PATJ: variants seen among roughly 807,000 people sequenced by gnomAD.
PATJ encodes PATJ crumbs cell polarity complex component.
In PATJ, 190 loss-of-function variants were observed where a neutral mutation model predicts 224.9. The ratio of observed to expected loss-of-function variants is 0.84; its 90% CI spans 0.75 to 0.95. PATJ has a LOEUF of 0.95. PATJ is among the 40% of genes least tolerant of loss of function. The pLI, the probability that PATJ is intolerant of heterozygous loss-of-function variation, is 0.00. For synonymous variants in PATJ, 769 were observed against 820.3 expected (o/e 0.94, Z 1.07); for missense variants, 2,121 against 2,270.3 (o/e 0.93, Z 1.34).
chr1:62,059,679 CATATAAA>C (rs531608584), intron 31 of PATJ, among the ~76,000 whole-genome samples: 18 of 151,260 alleles, frequency 1.2e-4, no homozygotes, highest in African/African-American at 4.4e-4. Flanking sequence ...AAATTATATA[CATATAAA>C]ATATAAAGAA....
chr1:62,037,934 G>A (rs752844923), intron 29 of PATJ, 43 bp from the exon 30 acceptor site: 6 of 1,287,416 alleles, frequency 4.7e-6, no homozygotes, highest in African/African-American at 1.5e-5. Context: ...CAGGAACTTA[G>A]CATTTACTGT....
chr1:62,092,219 A>T (rs1055739816), intron 33 of PATJ, among the ~76,000 whole-genome samples: 2 of 151,496 alleles, frequency 1.3e-5, no homozygotes, highest in African/African-American at 4.9e-5. Context: ...TCTCAAAAAA[A>T]ATTTTTTTTA....
intron 42 of PATJ, among the ~76,000 whole-genome samples, chr1:62,152,751 T>C (rs1407439794): frequency 6.6e-6 from 1 of 152,162 alleles, no homozygotes; most frequent in Non-Finnish European, 1.5e-5. Context: ...ACTGGCAGTC[T>C]CCCACCACAC....
chr1:61,781,925 C>T (rs1647431881), intron 7 of PATJ, among the ~76,000 whole-genome samples: 1 of 152,230 alleles, frequency 6.6e-6, no homozygotes, highest in African/African-American at 2.4e-5. Flanking sequence ...ACACTTAAGT[C>T]TTCCAGTGGT....
At chr1:62,107,866 A>G (rs912553390) in intron 33 of PATJ, among the ~76,000 whole-genome samples, 1 of 152,204 alleles carries the variant, frequency 6.6e-6, no homozygotes, top group African/African-American at 2.4e-5. Context: ...CTGAGTTCAG[A>G]GGAATTAATT....
At chr1:61,821,299 C>T (rs1346267894) in intron 14 of PATJ, among the ~76,000 whole-genome samples, 4 of 152,146 alleles carry the variant, frequency 2.6e-5, no homozygotes, top group Non-Finnish European at 5.9e-5. Context: ...CCCGCTCGGC[C>T]TCCCAAAGTG....
intron 29 of PATJ, among the ~76,000 whole-genome samples, chr1:62,021,274 T>G (rs1296146465): frequency 6.6e-6 from 1 of 152,176 alleles, no homozygotes; most frequent in Admixed American, 6.5e-5. Context: ...TTGGGCCTAC[T>G]TTCTAGGGCA....
intron 19 of PATJ, 89 bp from the exon 20 acceptor site, chr1:61,864,149 G>T: frequency 8.9e-7 from 1 of 1,123,870 alleles, no homozygotes; most frequent in South Asian, 1.6e-5. Context: ...ATGCAGTCAC[G>T]CCAGCATTTG....
chr1:62,112,572 G>T (rs1663972047), intron 34 of PATJ, among the ~76,000 whole-genome samples: 1 of 152,194 alleles, frequency 6.6e-6, no homozygotes, highest in South Asian at 2.1e-4. Flanking sequence ...AAGGTTCAGA[G>T]GCTGGCCTGA....
intron 22 of PATJ, among the ~76,000 whole-genome samples, chr1:61,891,369 A>C (rs1383215625): frequency 6.6e-6 from 1 of 152,214 alleles, no homozygotes. Context: ...CATTTGAATT[A>C]AACTGCCAAA....
intron 1 of PATJ, among the ~76,000 whole-genome samples, chr1:61,759,792 C>G (rs555316534): frequency 1.4e-4 from 21 of 152,304 alleles, no homozygotes; most frequent in Admixed American, 3.9e-4. Flanking sequence ...CTTTGTCCCC[C>G]TTTGCCAGTT....
At chr1:61,952,877 C>T (rs1200941605) in intron 27 of PATJ, among the ~76,000 whole-genome samples, 2 of 152,162 alleles carry the variant, frequency 1.3e-5, no homozygotes, top group East Asian at 3.9e-4. Flanking sequence ...ACTGACCATT[C>T]AGCATTTTGT....
intron 41 of PATJ, among the ~76,000 whole-genome samples, chr1:62,130,184 G>C (rs921129948): frequency 3.3e-5 from 5 of 149,376 alleles, no homozygotes; most frequent in Middle Eastern, 3.8e-3. Context: ...AAGTTAAAAA[G>C]TTAGCCCGGC....
chr1:61,824,502 T>C (rs1420867616), intron 15 of PATJ, among the ~76,000 whole-genome samples: 1 of 150,830 alleles, frequency 6.6e-6, no homozygotes, highest in Non-Finnish European at 1.5e-5. Context: ...CATAGCTTAC[T>C]GCAGCGTCAA....
At chr1:61,775,583 C>A (rs1646867844) in intron 7 of PATJ, among the ~76,000 whole-genome samples, 1 of 152,062 alleles carries the variant, frequency 6.6e-6, no homozygotes, top group African/African-American at 2.4e-5. Flanking sequence ...CATCAGAGGA[C>A]AATTTTTTTT....
At chr1:62,078,051 C>T (rs746284507) in intron 31 of PATJ, among the ~76,000 whole-genome samples, 29 of 152,172 alleles carry the variant, frequency 1.9e-4, no homozygotes, top group Non-Finnish European at 3.1e-4. Context: ...TATTGAGGCA[C>T]AGCTTTCCAC....
chr1:62,054,888 C>T (rs1042878808), intron 31 of PATJ, among the ~76,000 whole-genome samples: 2 of 152,070 alleles, frequency 1.3e-5, no homozygotes, highest in Middle Eastern at 3.4e-3. Context: ...AACCCCATCT[C>T]TACGAAAAAT....
intron 33 of PATJ, among the ~76,000 whole-genome samples, chr1:62,093,752 G>A (rs1661057039): frequency 6.6e-6 from 1 of 151,948 alleles, no homozygotes; most frequent in Non-Finnish European, 1.5e-5. Context: ...TGGAACTGTG[G>A]GGATTTATAA....
At chr1:61,841,877 G>A (rs1192525566) in intron 17 of PATJ, among the ~76,000 whole-genome samples, 1 of 152,092 alleles carries the variant, frequency 6.6e-6, no homozygotes, top group East Asian at 1.9e-4. Context: ...GTGCCAACTG[G>A]GCTGAAGATT....
Sources: allele counts gnomAD v4.1 joint callset (sites outside exome capture counted in the v4.1 genomes callset), GRCh38; gene constraint gnomAD v4.1.1; transcripts MANE v1.5; gene names NCBI Gene and HGNC (gene_info 2026-07-23, HGNC 2026-07-21).